Variants in TRPM3 observed in about 807,000 individuals in gnomAD.
TRPM3 encodes the protein transient receptor potential cation channel subfamily M member 3, also known as long transient receptor potential channel 3.
In TRPM3, 77 loss-of-function variants were observed where a neutral mutation model predicts 181.2. The observed-to-expected ratio is 0.42, with a 90% CI of 0.35 to 0.51. TRPM3 has a LOEUF of 0.51. Ranked by LOEUF, TRPM3 falls within the 20% of genes least tolerant of loss-of-function variation. The pLI is 0.01. For synonymous variants in TRPM3, 745 were observed against 796.4 expected (o/e 0.94, Z 1.09); for missense variants, 1,759 against 2,196.7 (o/e 0.80, Z 3.98).
chr9:70,800,423 A>G (rs1401955987), intron 6 of TRPM3, among the ~76,000 whole-genome samples: 1 of 152,216 alleles, frequency 6.6e-6, no homozygotes, highest in Non-Finnish European at 1.5e-5. Flanking sequence ...GGTGGGTTGC[A>G]TATCTTACTC....
chr9:71,070,044 T>C (rs1263581484), intron 1 of TRPM3, among the ~76,000 whole-genome samples: 1 of 152,240 alleles, frequency 6.6e-6, no homozygotes. Context: ...GTTTTTATTT[T>C]AATGAGTATT....
chr9:71,197,785 G>A (rs2078485674), intron 1 of TRPM3, among the ~76,000 whole-genome samples: 2 of 134,988 alleles, frequency 1.5e-5, no homozygotes, highest in Non-Finnish European at 3.3e-5. Context: ...TATGTCAGAT[G>A]AGTAGGTTGC....
chr9:70,559,183 C>T (rs1381499183), intron 22 of TRPM3, among the ~76,000 whole-genome samples: 1 of 152,236 alleles, frequency 6.6e-6, no homozygotes, highest in Non-Finnish European at 1.5e-5. Context: ...GCCTCTAGAA[C>T]ACTACCTGGC....
In TRPM3 at chr9:70,531,167, A is replaced by T. The variant is rs1241501479; in HGVS notation, c.*4786T>A. The T allele has an allele frequency of 6.6e-6, 1 of 152,232 alleles. No individual in the cohort carries two copies. The highest frequency in any genetic ancestry group is 1.5e-5 in the Non-Finnish European group (1 of 68,042). The allele number at this position is 152,232 out of a possible 1,614,324, so 9.4% of individuals were successfully genotyped here. A position where few individuals can be genotyped will look rare whatever the true frequency, so the allele number is the denominator to read the frequency against. On this transcript the variant is annotated 3_prime_UTR_variant, in exon 26 of 26. Transcript: ENST00000677713. ...GAAGAATCAGAAATGTGTCTTGCAT[A>T]TATCACAGATGCACAACACCTAGAC...
chr9:71,368,123 AT>A (rs5898203), intron 1 of TRPM3, among the ~76,000 whole-genome samples: 8 of 150,844 alleles, frequency 5.3e-5, no homozygotes, highest in South Asian at 2.1e-4. Context: ...AAGGACCAAG[AT>A]TTTTTTTTTA....
chr9:71,067,871 TG>T (rs1315675666), intron 1 of TRPM3, among the ~76,000 whole-genome samples: 1 of 152,162 alleles, frequency 6.6e-6, no homozygotes, highest in Non-Finnish European at 1.5e-5. Context: ...AATGTAACTT[TG>T]GCAAGTCATT....
intron 1 of TRPM3, among the ~76,000 whole-genome samples, chr9:70,906,774 G>A (rs1302048427): frequency 3.9e-5 from 6 of 152,060 alleles, no homozygotes; most frequent in Non-Finnish European, 1.5e-5. Context: ...GCGGTGGCAG[G>A]CACCTATAAT....
intron 1 of TRPM3, among the ~76,000 whole-genome samples, chr9:71,108,241 A>C (rs902721697): frequency 6.6e-6 from 1 of 152,176 alleles, no homozygotes; most frequent in Admixed American, 6.5e-5. Flanking sequence ...GGTATAGAAA[A>C]ATTGTTTATC....
At chr9:71,246,216 G>A (rs1226692815) in intron 1 of TRPM3, among the ~76,000 whole-genome samples, 3 of 152,100 alleles carry the variant, frequency 2.0e-5, no homozygotes, top group Non-Finnish European at 4.4e-5. Flanking sequence ...AGTTTCACAA[G>A]AATGTTTTAT....
At chr9:70,971,006 G>A (rs183767880) in intron 1 of TRPM3, among the ~76,000 whole-genome samples, 16 of 152,254 alleles carry the variant, frequency 1.1e-4, no homozygotes, top group Admixed American at 2.6e-4. Context: ...CTGGTGTAAA[G>A]CTATTTAGAT....
chr9:71,113,420 A>T lies in TRPM3; in HGVS notation c.177+7758T>A, dbSNP rs559306153. Among the ~76,000 whole-genome samples, 76 of 152,288 alleles carry T rather than the reference A, an allele frequency of 5.0e-4. 1 individual carries two copies. In the South Asian group the frequency reaches 0.014, roughly 29 times the overall value. On this transcript the variant is annotated intron_variant, in intron 1 of 25. Coordinates refer to ENST00000677713, the MANE Select transcript of TRPM3 (RefSeq NM_001366145.2). ...CAGTTGGGAGATAGTATAGAGGAAA[A>T]GGAGCAGATGAGAGGGAGCTTGCTT...
At chr9:70,987,300 T>C (rs2134085643) in intron 1 of TRPM3, among the ~76,000 whole-genome samples, 1 of 152,176 alleles carries the variant, frequency 6.6e-6, no homozygotes, top group South Asian at 2.1e-4. Context: ...GTGAAGAGAG[T>C]AATGTCTATT....
chr9:71,022,458 G>A (rs2097854777), intron 1 of TRPM3, among the ~76,000 whole-genome samples: 2 of 152,184 alleles, frequency 1.3e-5, no homozygotes, highest in African/African-American at 4.8e-5. Flanking sequence ...ACTTTGGGAG[G>A]CTGAGGTGGA....
intron 1 of TRPM3, among the ~76,000 whole-genome samples, chr9:71,376,780 T>C (rs2132841493): frequency 6.6e-6 from 1 of 152,192 alleles, no homozygotes; most frequent in Middle Eastern, 3.4e-3. Flanking sequence ...AAACTGAAAA[T>C]TTGGAAATTT....
At chr9:70,844,715 C>T (rs2094879002) in intron 4 of TRPM3, among the ~76,000 whole-genome samples, 1 of 152,192 alleles carries the variant, frequency 6.6e-6, no homozygotes, top group South Asian at 2.1e-4. Context: ...CAGAGATGAA[C>T]TCATGGGTTT....
intron 1 of TRPM3, among the ~76,000 whole-genome samples, chr9:71,349,537 T>G (rs1184192412): frequency 3.9e-5 from 6 of 152,168 alleles, no homozygotes; most frequent in Admixed American, 3.9e-4. Flanking sequence ...TGAATTTAGG[T>G]TTTTAAAACC....
At chr9:71,128,592 A>C (rs996905471) in intron 1 of TRPM3, among the ~76,000 whole-genome samples, 2 of 152,222 alleles carry the variant, frequency 1.3e-5, no homozygotes, top group Non-Finnish European at 1.5e-5. Context: ...TATCCGCAAC[A>C]CATACACACA....
At chr9:71,144,977 C>T (rs868708711) in intron 1 of TRPM3, among the ~76,000 whole-genome samples, 9 of 152,058 alleles carry the variant, frequency 5.9e-5, no homozygotes, top group African/African-American at 2.2e-4. Context: ...TCCAAATAAC[C>T]GTGTCACCAG....
intron 5 of TRPM3, among the ~76,000 whole-genome samples, chr9:70,838,752 T>C (rs2094468332): frequency 6.6e-6 from 1 of 152,150 alleles, no homozygotes; most frequent in Non-Finnish European, 1.5e-5. Flanking sequence ...AAACAGTGTA[T>C]GTTTTCAGGC....
Sources: gnomAD v4.1 joint callset for allele counts (sites outside exome capture counted in the v4.1 genomes callset) on GRCh38, gnomAD v4.1.1 for gene constraint, MANE v1.5 for transcripts, NCBI Gene and HGNC (gene_info 2026-07-23, HGNC 2026-07-21) for gene names.